Variants in IPO11 observed in about 807,000 individuals in gnomAD.
The protein encoded by IPO11 is importin 11, also known as importin-11.
In IPO11, 66 loss-of-function variants were observed where a neutral mutation model predicts 143.2. The ratio of observed to expected loss-of-function variants is 0.46; its 90% CI spans 0.38 to 0.57. The LOEUF (loss-of-function observed/expected upper bound fraction) is 0.57. Among genes scored for constraint, IPO11 ranks in the 20% least tolerant of loss-of-function variants. The probability of loss-of-function intolerance (pLI) is 0.00; values close to 1 mark genes in which losing one functional copy is unlikely to be tolerated. For synonymous variants in IPO11, 385 were observed against 377.8 expected, an observed-to-expected ratio of 1.02 and a Z score of -0.22; for missense variants, 1,026 against 1,141.0, an observed-to-expected ratio of 0.90 and a Z score of 1.45.
intron 27 of IPO11, among the ~76,000 whole-genome samples, chr5:62,569,811 A>G (rs1744075023): frequency 1.3e-5 from 2 of 152,238 alleles, no homozygotes; most frequent in Non-Finnish European, 2.9e-5. Flanking sequence ...TATATGGTTT[A>G]CAAAGGGGCT....
chr5:62,482,063 T>C (rs1272283225), intron 9 of IPO11, among the ~76,000 whole-genome samples: 2 of 152,230 alleles, frequency 1.3e-5, no homozygotes, highest in Admixed American at 1.3e-4. Flanking sequence ...GTAGATTTTC[T>C]AGTTTATATG....
At chr5:62,502,072 G>C (rs1389273750) in intron 16 of IPO11, among the ~76,000 whole-genome samples, 1 of 152,136 alleles carries the variant, frequency 6.6e-6, no homozygotes, top group African/African-American at 2.4e-5. Context: ...GAAGTTTCTG[G>C]CTCTGCTTAC....
intron 9 of IPO11, among the ~76,000 whole-genome samples, chr5:62,481,584 C>T (rs950411560): frequency 6.6e-6 from 1 of 152,124 alleles, no homozygotes; most frequent in Admixed American, 6.6e-5. Flanking sequence ...GTATGTTGAA[C>T]CAGCCTTGCA....
intron 19 of IPO11, among the ~76,000 whole-genome samples, chr5:62,513,116 G>C (rs1741825507): frequency 6.6e-6 from 1 of 150,708 alleles, no homozygotes; most frequent in African/African-American, 2.4e-5. Flanking sequence ...TCCCAGACGG[G>C]GTGGTGGCCG....
At chr5:62,581,184 C>T (rs1468350387) in intron 27 of IPO11, 1 of 1,550,918 alleles carries the variant, frequency 6.4e-7, no homozygotes, top group African/African-American at 1.4e-5. Flanking sequence ...ATGTAACTGC[C>T]TCAATTTGTA....
At chr5:62,596,114 T>C (rs1431426758) in intron 28 of IPO11, among the ~76,000 whole-genome samples, 1 of 141,778 alleles carries the variant, frequency 7.1e-6, no homozygotes, top group Non-Finnish European at 1.5e-5. Flanking sequence ...AAAAAAAAAT[T>C]GAAAATCAGC....
At chr5:62,452,442 A>C (rs2112162956) in intron 5 of IPO11, among the ~76,000 whole-genome samples, 1 of 151,114 alleles carries the variant, frequency 6.6e-6, no homozygotes, top group African/African-American at 2.5e-5. Flanking sequence ...CAAGGAGGTC[A>C]GTTTGAGGCA....
rs56185914 is a variant in IPO11 at position 62,429,587 on chromosome 5, CGTGTGT to C, written c.-6-7652_-6-7647del. 2.4e-3 allele frequency among the ~76,000 whole-genome samples: 315 copies of C among 128,572 alleles called. 2 individuals are homozygous for C. The highest frequency in any genetic ancestry group is 6.6e-3 in the African/African-American group (228 of 34,356). The allele number at this position is 128,572 out of a possible 152,430, so 84.3% of individuals were successfully genotyped here. A position where few individuals can be genotyped will look rare whatever the true frequency, so the allele number is the denominator to read the frequency against. ...CACACCACCATGCCCGTCTGATTTT[CGTGTGT>C]GTGTGTGTGTGTGTGTGTGTGTGTG... On this transcript the variant is annotated intron_variant, in intron 1 of 29. Coordinates refer to ENST00000325324, the MANE Select transcript of IPO11 (RefSeq NM_016338.5).
chr5:62,444,097 C>CTTT (rs533439906), intron 3 of IPO11, among the ~76,000 whole-genome samples: 3 of 139,202 alleles, frequency 2.2e-5, no homozygotes, highest in African/African-American at 5.3e-5. Flanking sequence ...ATGTCTTTTT[C>CTTT]TTTTTTTTTT....
At chr5:62,474,628 C>T (rs1745891889) in intron 8 of IPO11, among the ~76,000 whole-genome samples, 164 bp downstream of exon 8, 1 of 152,126 alleles carries the variant, frequency 6.6e-6, no homozygotes, top group African/African-American at 2.4e-5. Context: ...TCCAATTGCT[C>T]CCTGAGTGAG....
chr5:62,476,084 T>A (rs1745947331), intron 8 of IPO11, among the ~76,000 whole-genome samples: 1 of 152,246 alleles, frequency 6.6e-6, no homozygotes. Context: ...ATAAGAATGT[T>A]CATATTGTGT....
At chr5:62,503,372 C>CTATATATTAATAGTATCTAT in intron 16 of IPO11, among the ~76,000 whole-genome samples, 1 of 65,198 alleles carries the variant, frequency 1.5e-5, no homozygotes, top group East Asian at 4.6e-4. Context: ...ATAGTATCTA[C>CTATATATTAATAGTATCTAT]TAATATATTA....
intron 28 of IPO11, among the ~76,000 whole-genome samples, chr5:62,600,125 A>C (rs1474223876): frequency 6.6e-6 from 1 of 152,150 alleles, no homozygotes; most frequent in Admixed American, 6.6e-5. Context: ...TGCAACCTCC[A>C]CCTCGTGGGT....
Position 62,486,016 on chromosome 5 carries a change from C to T in IPO11, c.1218+554C>T, listed in dbSNP as rs182848179. Among the ~76,000 whole-genome samples, 290 of 142,430 alleles carry T rather than the reference C, an allele frequency of 2.0e-3. 1 individual carries two copies. Among genetic ancestry groups the T allele is most frequent in the African/African-American group, 7.4e-3 (284 of 38,376 alleles). 93.4% of individuals were successfully genotyped at this position (142,430 alleles called of 152,430 possible). On this transcript the variant is annotated intron_variant, in intron 12 of 29. Transcript: ENST00000325324. Reference sequence around the variant, plus strand: ...TTTTTTTTTGAGACAGAATCTCACTCTGTTGCCCAGGCTGGAGTGCACTGG... The same window carrying T: ...TTTTTTTTTGAGACAGAATCTCACTTTGTTGCCCAGGCTGGAGTGCACTGG...
At position 62,489,301 on chromosome 5, in the gene IPO11, G is replaced by T; in HGVS notation, c.1310-1G>T. 2 of 1,529,410 alleles carry T rather than the reference G, an allele frequency of 1.3e-6. No homozygotes were observed. Among genetic ancestry groups the T allele is most frequent in the Non-Finnish European group, 1.8e-6 (2 of 1,130,516 alleles). The allele number at this position is 1,529,410 out of a possible 1,614,324, so 94.7% of individuals were successfully genotyped here. A position where few individuals can be genotyped will look rare whatever the true frequency, so the allele number is the denominator to read the frequency against. On this transcript the variant is annotated splice_acceptor_variant, in intron 13 of 29. Coordinates refer to ENST00000325324, the MANE Select transcript of IPO11 (RefSeq NM_016338.5). LOFTEE classifies it high-confidence loss of function. ...TACCTATTTATATATATATTTTTTA[G>T]GACCCACAAATGTGGAAGATATGAA...
chr5:62,418,860 GC>G (rs2112091964), intron 1 of IPO11: 2 of 783,336 alleles, frequency 2.6e-6, no homozygotes, highest in East Asian at 5.5e-5. Context: ...ATTCTTATAT[GC>G]CTGTGCAGGG....
chr5:62,424,399 A>G (rs916969278), intron 1 of IPO11, among the ~76,000 whole-genome samples: 1 of 151,656 alleles, frequency 6.6e-6, no homozygotes, highest in Non-Finnish European at 1.5e-5. Context: ...GGGGCCTCCC[A>G]AAGTGCTGGG....
intron 27 of IPO11, among the ~76,000 whole-genome samples, chr5:62,563,177 T>A (rs1183713188): frequency 6.6e-6 from 1 of 152,240 alleles, no homozygotes; most frequent in Non-Finnish European, 1.5e-5. Context: ...TTTTAACTCA[T>A]TGGTGTTTCT....
rs766969782 is a variant in IPO11, at chr5:62,484,035, C to T, written c.1047C>T (p.Ala349=). Residue 349 remains alanine, a synonymous_variant, in exon 11 of 30, where the codon GCC becomes GCT. Coordinates refer to ENST00000325324, the MANE Select transcript of IPO11 (RefSeq NM_016338.5). ...FEDSSPETLE[A]HKIKMAFFTY... ...ATAGCAGCCCTGAAACTCTTGAAGC[C>T]CATAAGATTAAGATGGCATTCTTCA... The T allele has an allele frequency of 6.2e-7, 1 of 1,605,670 alleles. No homozygotes were observed.
Sources: gnomAD v4.1 joint callset for allele counts (sites outside exome capture counted in the v4.1 genomes callset) on GRCh38, gnomAD v4.1.1 for gene constraint, MANE v1.5 for transcripts, NCBI Gene and HGNC (gene_info 2026-07-23, HGNC 2026-07-21) for gene names.